KCNIP4: variants seen among roughly 807,000 people sequenced by gnomAD.
KCNIP4 encodes potassium voltage-gated channel interacting protein 4.
A neutral mutation model predicts 34.0 loss-of-function variants in KCNIP4; 12 were observed. That is an observed-to-expected ratio of 0.35 (90% CI 0.23 to 0.57). The LOEUF (loss-of-function observed/expected upper bound fraction) is 0.57. Ranked by LOEUF, KCNIP4 falls within the 20% of genes least tolerant of loss-of-function variation. KCNIP4 has a pLI of 0.83. For missense variants in KCNIP4, 238 were observed against 311.7 expected (o/e 0.76, Z 1.78); for synonymous variants, 124 against 102.2 (o/e 1.21, Z -1.29).
chr4:20,841,617 T>C (rs10013917), intron 3 of KCNIP4, among the ~76,000 whole-genome samples: 56,130 of 151,788 alleles, frequency 0.37, 10,807 homozygotes, highest in Non-Finnish European at 0.43. Flanking sequence ...CCTTCTCTAC[T>C]TGCTACTACC....
intron 1 of KCNIP4, among the ~76,000 whole-genome samples, chr4:21,257,818 C>T (rs1364131896): frequency 6.6e-6 from 1 of 151,794 alleles, no homozygotes; most frequent in African/African-American, 2.4e-5. Flanking sequence ...TGCATTTAAC[C>T]AGACCTGTTC....
At chr4:21,423,757 T>C (rs571123978) in intron 1 of KCNIP4, among the ~76,000 whole-genome samples, 1 of 152,302 alleles carries the variant, frequency 6.6e-6, no homozygotes, top group East Asian at 1.9e-4. Flanking sequence ...CAGCATTTGC[T>C]CTTTGTTTCA....
chr4:21,921,060 T>G (rs1255699991), intron 1 of KCNIP4, among the ~76,000 whole-genome samples: 1 of 152,158 alleles, frequency 6.6e-6, no homozygotes, highest in African/African-American at 2.4e-5. Flanking sequence ...GAGTTTTCCT[T>G]GTTTAGCTTC....
At position 21,247,759 on chromosome 4, in the gene KCNIP4, T is replaced by TATATATATATATATATATAC. The variant is rs1366204923; in HGVS notation, c.62-365051_62-365050insGTATATATATATATATATAT. On this transcript the variant is annotated intron_variant, in intron 1 of 8. Transcript: ENST00000382152. The stretch of plus-strand genomic sequence containing the variant: ...GGATATATATATATATATATATATA[T>TATATATATATATATATATAC]ACACCCCACAGGTGTTTTTTATATA... 4.0e-4 allele frequency among the ~76,000 whole-genome samples: 48 copies of TATATATATATATATATATAC among 119,988 alleles called. 2 individuals carry two copies. The highest frequency in any genetic ancestry group is 1.5e-3 in the African/African-American group (43 of 28,026). The allele number at this position is 119,988 out of a possible 152,430, so 78.7% of individuals were successfully genotyped here. A position where few individuals can be genotyped will look rare whatever the true frequency, so the allele number is the denominator to read the frequency against.
intron 1 of KCNIP4, among the ~76,000 whole-genome samples, chr4:21,535,253 G>A (rs576290288): frequency 2.6e-5 from 4 of 152,290 alleles, no homozygotes; most frequent in Admixed American, 1.3e-4. Context: ...TAGCTCTAAA[G>A]CTAGAATTGG....
intron 1 of KCNIP4, among the ~76,000 whole-genome samples, chr4:21,581,390 G>A (rs1428465465): frequency 1.3e-5 from 2 of 152,048 alleles, no homozygotes; most frequent in East Asian, 1.9e-4. Flanking sequence ...CATACAAAAC[G>A]TATTGATCCT....
intron 1 of KCNIP4, among the ~76,000 whole-genome samples, chr4:20,964,170 TG>T (rs960803609): frequency 6.6e-6 from 1 of 152,126 alleles, no homozygotes; most frequent in African/African-American, 2.4e-5. Context: ...TTGTGAAAAT[TG>T]GTTGCTGTTT....
At chr4:21,523,973 A>T (rs1735758259) in intron 1 of KCNIP4, among the ~76,000 whole-genome samples, 1 of 152,150 alleles carries the variant, frequency 6.6e-6, no homozygotes, top group African/African-American at 2.4e-5. Context: ...ATGGATTTAG[A>T]ATATCCAAAA....
chr4:21,305,837 T>C (rs1162444380), intron 1 of KCNIP4, among the ~76,000 whole-genome samples: 5 of 152,206 alleles, frequency 3.3e-5, no homozygotes, highest in African/African-American at 1.2e-4. Flanking sequence ...AACTCTTTCA[T>C]GGAAACTTCA....
intron 2 of KCNIP4, among the ~76,000 whole-genome samples, chr4:20,858,211 C>CAAAAAAAAAAAAAA (rs778798968): frequency 1.4e-5 from 1 of 70,708 alleles, no homozygotes; most frequent in Non-Finnish European, 3.0e-5. Context: ...AACTCCATCT[C>CAAAAAAAAAAAAAA]AAAAAAAAAA....
intron 1 of KCNIP4, among the ~76,000 whole-genome samples, chr4:21,601,155 C>G (rs1409932086): frequency 6.6e-6 from 1 of 151,820 alleles, no homozygotes; most frequent in Non-Finnish European, 1.5e-5. Context: ...ACCAATCTCC[C>G]TCCTCTCAAT....
intron 1 of KCNIP4, among the ~76,000 whole-genome samples, chr4:21,123,571 A>G (rs940461792): frequency 6.6e-6 from 1 of 152,212 alleles, no homozygotes; most frequent in African/African-American, 2.4e-5. Flanking sequence ...CAGAAATTTA[A>G]AACAATAAAC....
chr4:21,837,207 G>A (rs1003863344), intron 1 of KCNIP4, among the ~76,000 whole-genome samples: 9 of 147,432 alleles, frequency 6.1e-5, no homozygotes, highest in South Asian at 2.4e-4. Context: ...CGTGAGCCCC[G>A]CGATCGGCCA....
intron 1 of KCNIP4, among the ~76,000 whole-genome samples, chr4:21,612,493 T>C (rs919613138): frequency 4.6e-5 from 7 of 152,212 alleles, no homozygotes; most frequent in Non-Finnish European, 1.0e-4. Context: ...CATTGAATCA[T>C]GGAATTTTAA....
chr4:21,456,175 A>C (rs1728939600), intron 1 of KCNIP4, among the ~76,000 whole-genome samples: 1 of 147,366 alleles, frequency 6.8e-6, no homozygotes, highest in South Asian at 2.1e-4. Flanking sequence ...CCTTCAAAGA[A>C]ACTCTGCCAG....
intron 1 of KCNIP4, among the ~76,000 whole-genome samples, chr4:21,401,664 C>T (rs981715877): frequency 2.6e-5 from 4 of 152,126 alleles, no homozygotes; most frequent in Non-Finnish European, 5.9e-5. Flanking sequence ...GCAGAGTATC[C>T]CATCTGCAAT....
intron 2 of KCNIP4, among the ~76,000 whole-genome samples, chr4:20,860,654 G>A (rs1021389772): frequency 2.0e-5 from 3 of 152,204 alleles, no homozygotes; most frequent in East Asian, 1.9e-4. Context: ...TAAATTGGCC[G>A]AATAGTGAGT....
chr4:21,623,946 T>A (rs1181791558), intron 1 of KCNIP4, among the ~76,000 whole-genome samples: 1 of 152,114 alleles, frequency 6.6e-6, no homozygotes, highest in African/African-American at 2.4e-5. Flanking sequence ...TCCTTTCTGC[T>A]CCATCCCAGT....
intron 1 of KCNIP4, among the ~76,000 whole-genome samples, chr4:21,743,148 T>C (rs1045775060): frequency 1.3e-5 from 2 of 152,172 alleles, no homozygotes; most frequent in Non-Finnish European, 2.9e-5. Context: ...GGTGGGTTGG[T>C]TTAAAACAGC....
Sources: gnomAD v4.1 joint callset for allele counts (sites outside exome capture counted in the v4.1 genomes callset) on GRCh38, gnomAD v4.1.1 for gene constraint, MANE v1.5 for transcripts, NCBI Gene and HGNC (gene_info 2026-07-23, HGNC 2026-07-21) for gene names.